Variants in SCAMP1 observed in about 807,000 individuals in gnomAD.
SCAMP1 encodes the protein secretory carrier membrane protein 1, also known as secretory carrier-associated membrane protein 1.
A neutral mutation model predicts 41.8 loss-of-function variants in SCAMP1; 15 were observed. The ratio of observed to expected loss-of-function variants is 0.36; its 90% CI spans 0.24 to 0.55. The LOEUF is 0.55. Among genes scored for constraint, SCAMP1 ranks in the 20% least tolerant of loss-of-function variants. SCAMP1 has a pLI of 0.86. For synonymous variants in SCAMP1, 135 were observed against 136.8 expected, an observed-to-expected ratio of 0.99 and a Z score of 0.09; for missense variants, 341 against 412.6, an observed-to-expected ratio of 0.83 and a Z score of 1.50.
chr5:78,398,984 C>T (rs1205630749), intron 2 of SCAMP1, among the ~76,000 whole-genome samples: 1 of 152,140 alleles, frequency 6.6e-6, no homozygotes, highest in African/African-American at 2.4e-5. Flanking sequence ...CTCTTTGCCC[C>T]TTCCCAGACC....
chr5:78,475,006 G>A (rs1391603729), intron 8 of SCAMP1, among the ~76,000 whole-genome samples: 1 of 152,148 alleles, frequency 6.6e-6, no homozygotes, highest in Admixed American at 6.5e-5. Flanking sequence ...GCGGCAATAT[G>A]TTGAAGGACA....
intron 6 of SCAMP1, among the ~76,000 whole-genome samples, chr5:78,438,131 T>G (rs1024404738): frequency 6.6e-6 from 1 of 152,208 alleles, no homozygotes; most frequent in South Asian, 2.1e-4. Flanking sequence ...TTGCTAGCAG[T>G]CTGTCAATTT....
chr5:78,418,908 G>A lies in SCAMP1; in HGVS notation c.472+5G>A. On this transcript the variant is annotated splice_donor_5th_base_variant and intron_variant, in intron 5 of 8. Transcript: ENST00000621999. ...TTATGTACTACTTGTGGATGTGTGAGTATACAACAATTTACATCTTTGCTT... is the reference window on the plus strand; with the variant it reads ...TTATGTACTACTTGTGGATGTGTGAATATACAACAATTTACATCTTTGCTT... 6.4e-7 allele frequency: 1 copy of A among 1,551,898 alleles called. No homozygotes were observed. Among genetic ancestry groups the A allele is most frequent in the Non-Finnish European group, 8.7e-7 (1 of 1,152,168 alleles).
chr5:78,361,290 C>T (rs1030803637), intron 1 of SCAMP1, among the ~76,000 whole-genome samples: 2 of 152,054 alleles, frequency 1.3e-5, no homozygotes, highest in African/African-American at 4.8e-5. Flanking sequence ...CAAATACCAC[C>T]AGTGGCGCTG....
intron 8 of SCAMP1, among the ~76,000 whole-genome samples, chr5:78,469,150 A>C (rs1234237548): frequency 6.6e-6 from 1 of 152,114 alleles, no homozygotes; most frequent in Non-Finnish European, 1.5e-5. Flanking sequence ...TATTGTTATC[A>C]TTCACCTCTC....
At chr5:78,382,482 C>T (rs909627835) in intron 1 of SCAMP1, among the ~76,000 whole-genome samples, 2 of 152,010 alleles carry the variant, frequency 1.3e-5, no homozygotes, top group Non-Finnish European at 2.9e-5. Flanking sequence ...GAATAAGTTT[C>T]TCACTGGTGA....
At chr5:78,372,020 A>C (rs772227325) in intron 1 of SCAMP1, among the ~76,000 whole-genome samples, 6 of 152,228 alleles carry the variant, frequency 3.9e-5, no homozygotes, top group Non-Finnish European at 8.8e-5. Flanking sequence ...AATTTAGTAT[A>C]TATAGCTATT....
intron 1 of SCAMP1, among the ~76,000 whole-genome samples, chr5:78,372,213 A>G (rs1750959867): frequency 6.6e-6 from 1 of 152,222 alleles, no homozygotes; most frequent in African/African-American, 2.4e-5. Context: ...TTCTTATATG[A>G]TAATTTGGGA....
chr5:78,365,392 T>G (rs1750768318), intron 1 of SCAMP1, among the ~76,000 whole-genome samples: 1 of 146,728 alleles, frequency 6.8e-6, no homozygotes, highest in Non-Finnish European at 1.5e-5. Flanking sequence ...GAGAATTGCT[T>G]GAACCTGGGA....
At chr5:78,454,400 T>C (rs973299040) in intron 7 of SCAMP1, among the ~76,000 whole-genome samples, 3 of 152,316 alleles carry the variant, frequency 2.0e-5, no homozygotes, top group African/African-American at 7.2e-5. Flanking sequence ...GAAGTGTTGT[T>C]GAATTTTGTC....
At chr5:78,449,508 T>C (rs1753162959) in intron 6 of SCAMP1, among the ~76,000 whole-genome samples, 2 of 152,150 alleles carry the variant, frequency 1.3e-5, no homozygotes, top group Admixed American at 1.3e-4. Context: ...AAGGAAACTT[T>C]GGGGATATGC....
At chr5:78,443,426 T>A (rs1752977487) in intron 6 of SCAMP1, among the ~76,000 whole-genome samples, 1 of 152,042 alleles carries the variant, frequency 6.6e-6, no homozygotes, top group African/African-American at 2.4e-5. Flanking sequence ...TGGCAAATAA[T>A]GTTCAAAAAA....
intron 1 of SCAMP1, among the ~76,000 whole-genome samples, chr5:78,364,933 C>T (rs1177322968): frequency 2.7e-5 from 4 of 148,174 alleles, no homozygotes; most frequent in East Asian, 2.0e-4. Flanking sequence ...ATGTAAATGA[C>T]GAGTTAATGG....
intron 6 of SCAMP1, among the ~76,000 whole-genome samples, chr5:78,447,033 G>A (rs1026093559): frequency 6.6e-6 from 1 of 152,202 alleles, no homozygotes; most frequent in Non-Finnish European, 1.5e-5. Context: ...ATCAACAGTG[G>A]CATTAGATTC....
chr5:78,399,685 T>G (rs1432565427), intron 2 of SCAMP1, among the ~76,000 whole-genome samples: 2 of 152,226 alleles, frequency 1.3e-5, no homozygotes, highest in Non-Finnish European at 2.9e-5. Flanking sequence ...TTAAGGGTTC[T>G]TGTATCTTTT....
At position 78,477,643 on chromosome 5, in the gene SCAMP1, A is replaced by G. The variant is rs1754035832; in HGVS notation, c.*1975A>G. The G allele has an allele frequency of 6.6e-6, 1 of 152,190 alleles. No individual in the cohort carries two copies. The highest frequency in any genetic ancestry group is 2.1e-4 in the South Asian group (1 of 4,838). 9.4% of individuals were successfully genotyped at this position (152,190 alleles called of 1,614,324 possible). A position where few individuals can be genotyped will look rare whatever the true frequency, so the allele number is the denominator to read the frequency against. On this transcript the variant is annotated 3_prime_UTR_variant, in exon 9 of 9. Coordinates refer to ENST00000621999, the MANE Select transcript of SCAMP1 (RefSeq NM_004866.6). The stretch of plus-strand genomic sequence containing the variant: ...GCTTCAGAATTGGAATGTTTATATT[A>G]TGTAGAAATCTTCAAAGGTAGCATT...
intron 2 of SCAMP1, among the ~76,000 whole-genome samples, chr5:78,389,535 C>T (rs190507079): frequency 9.7e-4 from 147 of 152,266 alleles, no homozygotes; most frequent in African/African-American, 3.3e-3. Flanking sequence ...TCCCAAAGTG[C>T]TGCAACTACA....
intron 6 of SCAMP1, among the ~76,000 whole-genome samples, chr5:78,426,062 GTGT>G (rs1327532403): frequency 6.6e-6 from 1 of 151,520 alleles, no homozygotes; most frequent in Non-Finnish European, 1.5e-5. Flanking sequence ...TTCTGTTCCT[GTGT>G]TAGTCTGCTG....
At chr5:78,461,139 G>A (rs956144651) in intron 8 of SCAMP1, among the ~76,000 whole-genome samples, 3 of 152,036 alleles carry the variant, frequency 2.0e-5, no homozygotes, top group Non-Finnish European at 2.9e-5. Flanking sequence ...GAGCCACCAC[G>A]CCCAGCCTGT....
Sources: allele counts gnomAD v4.1 joint callset (sites outside exome capture counted in the v4.1 genomes callset), GRCh38; gene constraint gnomAD v4.1.1; transcripts MANE v1.5; gene names NCBI Gene and HGNC (gene_info 2026-07-23, HGNC 2026-07-21).